Variants in L2HGDH observed in about 807,000 individuals in gnomAD.
The protein encoded by L2HGDH is L-2-hydroxyglutarate dehydrogenase, mitochondrial.
A neutral mutation model predicts 51.5 loss-of-function variants in L2HGDH; 34 were observed. The observed-to-expected ratio is 0.66, with a 90% CI of 0.50 to 0.88. The LOEUF (loss-of-function observed/expected upper bound fraction) is 0.88. Ranked by LOEUF, L2HGDH falls within the 40% of genes least tolerant of loss-of-function variation. The pLI is 0.00. For missense variants in L2HGDH, 558 were observed against 571.9 expected (o/e 0.98, Z 0.25); for synonymous variants, 198 against 197.9 (o/e 1.00, Z -0.01).
chr14:50,273,788 G>A (rs1331520526), intron 6 of L2HGDH, among the ~76,000 whole-genome samples: 1 of 152,140 alleles, frequency 6.6e-6, no homozygotes, highest in Non-Finnish European at 1.5e-5. Flanking sequence ...ATTAAAAAAT[G>A]AGCAAAGAAA....
intron 3 of L2HGDH, among the ~76,000 whole-genome samples, chr14:50,294,773 G>T (rs1228918379): frequency 6.6e-6 from 1 of 152,058 alleles, no homozygotes; most frequent in Non-Finnish European, 1.5e-5. Context: ...TGTTGCAGGG[G>T]GAAAACAGTC....
At chr14:50,257,031 G>A (rs1230273034) in intron 9 of L2HGDH, among the ~76,000 whole-genome samples, 1 of 152,140 alleles carries the variant, frequency 6.6e-6, no homozygotes, top group African/African-American at 2.4e-5. Context: ...TGCCTCGCAG[G>A]TTCAAGTGAT....
At position 50,291,978 on chromosome 14, in the gene L2HGDH, G is replaced by A. The variant is rs138778050; in HGVS notation, c.540+2137C>T. On this transcript the variant is annotated intron_variant, in intron 4 of 9. Transcript: ENST00000267436. ...AATTTAACTAGAAAGTTGGATACAAGGTCAGAAATCAATTATATTTCCACA... is the reference window on the plus strand; with the variant it reads ...AATTTAACTAGAAAGTTGGATACAAAGTCAGAAATCAATTATATTTCCACA... 1.6e-3 allele frequency among the ~76,000 whole-genome samples: 241 copies of A among 152,026 alleles called. 1 individual carries two copies. The highest frequency in any genetic ancestry group is 2.2e-3 in the Non-Finnish European group (149 of 67,960).
intron 5 of L2HGDH, among the ~76,000 whole-genome samples, chr14:50,283,545 GA>G (rs1449870617): frequency 1.3e-4 from 20 of 151,972 alleles, no homozygotes; most frequent in African/African-American, 4.8e-4. Flanking sequence ...ATCCAAGGAG[GA>G]TTGGTTCCAG....
At position 50,302,250 on chromosome 14, in the gene L2HGDH, A is replaced by G. The variant is rs1334362285; in HGVS notation, c.257-82T>C. 7.0e-6 allele frequency: 10 copies of G among 1,428,392 alleles called. No individual in the cohort carries two copies. In the Admixed American group the frequency reaches 1.3e-4, roughly 19 times the overall value. 88.5% of individuals were successfully genotyped at this position (1,428,392 alleles called of 1,614,324 possible). A position where few individuals can be genotyped will look rare whatever the true frequency, so the allele number is the denominator to read the frequency against. On this transcript the variant is annotated intron_variant, in intron 2 of 9. Coordinates refer to ENST00000267436, the MANE Select transcript of L2HGDH (RefSeq NM_024884.3). ...AGGTAAGAGAACAAACTTATAGTTG[A>G]AGCTATTAGAGACCACATCATGTAA... is the stretch of plus-strand genomic sequence containing the variant.
intron 6 of L2HGDH, among the ~76,000 whole-genome samples, chr14:50,276,533 T>C (rs547929134): frequency 6.6e-6 from 1 of 151,656 alleles, no homozygotes; most frequent in South Asian, 2.1e-4. Flanking sequence ...ACAGGGCCTT[T>C]AGGGAGGTAA....
rs767848263 is a variant in L2HGDH at position 50,298,039 on chromosome 14, T to A, written c.409-3793A>T. 6.0e-5 allele frequency among the ~76,000 whole-genome samples: 9 copies of A among 151,100 alleles called. No individual in the cohort carries two copies. In the East Asian group the frequency reaches 1.8e-3, roughly 30 times the overall value. ...TGGGTAGATCACTTGAAGTCAGGAGTTTAAGACCAGCCTAGTTAACATAGT... is the reference window on the plus strand; with the variant it reads ...TGGGTAGATCACTTGAAGTCAGGAGATTAAGACCAGCCTAGTTAACATAGT... On this transcript the variant is annotated intron_variant, in intron 3 of 9. Transcript: ENST00000267436.
At position 50,269,201 on chromosome 14, in the gene L2HGDH, G is replaced by A. The variant is rs745650852; in HGVS notation, c.868C>T (p.Pro290Ser). The A allele has an allele frequency of 1.9e-6, 3 of 1,613,244 alleles. No homozygotes were observed. In the East Asian group the frequency reaches 6.7e-5, roughly 36 times the overall value. The change falls in exon 7 of 10, where the codon CCA (proline) becomes TCA (serine). Residue 290 changes from proline to serine, a missense_variant. Pro to Ser is a moderately conservative substitution (Grantham distance 74, BLOSUM62 -1). Transcript: ENST00000267436. Reference sequence around the variant, plus strand: ...CCTTTTACAAGATAACATTTTTCTGGCTTCAAAAGCAGGTAATCTCCCCGG... The same window carrying A: ...CCTTTTACAAGATAACATTTTTCTGACTTCAAAAGCAGGTAATCTCCCCGG... Reference protein sequence around the residue: ...PFRGDYLLLKPEKCYLVKGNI... With the variant: ...PFRGDYLLLKSEKCYLVKGNI...
chr14:50,302,282 G>T, intron 2 of L2HGDH, 114 bp from the exon 3 acceptor site: 2 of 1,135,474 alleles, frequency 1.8e-6, no homozygotes, highest in Non-Finnish European at 1.3e-6. Context: ...GTAAAATTCT[G>T]CCTGAATTTG....
At position 50,246,919 on chromosome 14, in the gene L2HGDH, A is replaced by G. The variant is rs1888035464; in HGVS notation, c.*139T>C. The G allele has an allele frequency of 7.5e-7, 1 of 1,334,272 alleles. No homozygotes were observed. The highest frequency in any genetic ancestry group is 1.5e-5 in the African/African-American group (1 of 67,458). The allele number at this position is 1,334,272 out of a possible 1,614,324, so 82.7% of individuals were successfully genotyped here. A position where few individuals can be genotyped will look rare whatever the true frequency, so the allele number is the denominator to read the frequency against. ...TGTAGAAAATTATTATTTCTATGTTACATCATTTTAACAATGCAGTGGTTA... is the reference window on the plus strand; with the variant it reads ...TGTAGAAAATTATTATTTCTATGTTGCATCATTTTAACAATGCAGTGGTTA... On this transcript the variant is annotated 3_prime_UTR_variant, in exon 10 of 10. Transcript: ENST00000267436.
chr14:50,260,220 T>G (rs561115357), intron 9 of L2HGDH, among the ~76,000 whole-genome samples: 7 of 151,546 alleles, frequency 4.6e-5, no homozygotes, highest in Non-Finnish European at 7.4e-5. Flanking sequence ...GGGGAATATT[T>G]TTTTTCCAGA....
chr14:50,280,570 C>T (rs1312521603), intron 5 of L2HGDH, among the ~76,000 whole-genome samples: 2 of 152,116 alleles, frequency 1.3e-5, no homozygotes, highest in Non-Finnish European at 2.9e-5. Context: ...CTACTGACTA[C>T]GTTTGCCATT....
At position 50,244,982 on chromosome 14, in the gene L2HGDH, AT is replaced by A; in HGVS notation, c.*2075del. On this transcript the variant is annotated 3_prime_UTR_variant, in exon 10 of 10. Transcript: ENST00000267436. Reference sequence around the variant, plus strand: ...CGCCACATTTTCATTTACAATTTCTATTTTCTAACTTTCTAAATTATAAGAA... The same window carrying A: ...CGCCACATTTTCATTTACAATTTCTATTTCTAACTTTCTAAATTATAAGAA... The A allele has an allele frequency of 1.0e-6, 1 of 985,412 alleles. No homozygotes were observed. Among genetic ancestry groups the A allele is most frequent in the Middle Eastern group, 5.2e-4 (1 of 1,914 alleles). The allele number at this position is 985,412 out of a possible 1,614,324, so 61.0% of individuals were successfully genotyped here.
intron 4 of L2HGDH, among the ~76,000 whole-genome samples, chr14:50,290,203 C>T (rs531608163): frequency 7.2e-5 from 11 of 151,968 alleles, no homozygotes; most frequent in African/African-American, 2.4e-4. Context: ...AGAGTTGGAG[C>T]TTGCAGTGAG....
chr14:50,251,540 G>A (rs1437037086), intron 9 of L2HGDH, among the ~76,000 whole-genome samples: 1 of 151,986 alleles, frequency 6.6e-6, no homozygotes, highest in African/African-American at 2.4e-5. Context: ...AACCCCAACA[G>A]CATTTAATCC....
At position 50,267,888 on chromosome 14, in the gene L2HGDH, A is replaced by C. The variant is rs764106074; in HGVS notation, c.929T>G (p.Phe310Cys). 3.7e-6 allele frequency: 6 copies of C among 1,613,986 alleles called. No individual in the cohort carries two copies. The highest frequency in any genetic ancestry group is 5.1e-6 in the Non-Finnish European group (6 of 1,179,954). Reference sequence around the variant, plus strand: ...CCTTGGTGTGAAGTGAACTCCTAGGAAAGGAAACCGGCTATCTGGGACCTA... The same window carrying C: ...CCTTGGTGTGAAGTGAACTCCTAGGCAAGGAAACCGGCTATCTGGGACCTA... ...IYPVPDSRFP[F>C]LGVHFTPRMD... Residue 310 changes from phenylalanine (F) to cysteine (C), a missense_variant, in exon 8 of 10, where the codon TTC becomes TGC. By Grantham distance (205) the Phe-to-Cys change is radical. Transcript: ENST00000267436.
intron 1 of L2HGDH, among the ~76,000 whole-genome samples, chr14:50,310,807 A>G (rs1431086994): frequency 6.6e-6 from 1 of 152,106 alleles, no homozygotes; most frequent in East Asian, 1.9e-4. Context: ...CACATGCCCC[A>G]TAACAAATCA....
intron 5 of L2HGDH, among the ~76,000 whole-genome samples, chr14:50,283,075 C>T (rs2139159043): frequency 6.6e-6 from 1 of 151,618 alleles, no homozygotes; most frequent in African/African-American, 2.4e-5. Context: ...GTGGCAAGCA[C>T]CTATAGTTTC....
intron 8 of L2HGDH, among the ~76,000 whole-genome samples, chr14:50,266,227 G>A (rs1889323670): frequency 6.6e-6 from 1 of 151,918 alleles, no homozygotes; most frequent in South Asian, 2.1e-4. Flanking sequence ...ACTCTATAAA[G>A]CCTGCCAACA....
Sources: gnomAD v4.1 joint callset for allele counts (sites outside exome capture counted in the v4.1 genomes callset) on GRCh38, gnomAD v4.1.1 for gene constraint, MANE v1.5 for transcripts, NCBI Gene and HGNC (gene_info 2026-07-23, HGNC 2026-07-21) for gene names.